The following BST1 variants were observed in gnomAD, a reference collection of about 807,000 sequenced individuals.
The protein encoded by BST1 is ADP-ribosyl cyclase/cyclic ADP-ribose hydrolase 2.
A neutral mutation model predicts 40.6 loss-of-function variants in BST1; 49 were observed. The observed-to-expected ratio is 1.21, with a 90% CI of 0.96 to 1.53. BST1 has a LOEUF of 1.53. Ranked by LOEUF, BST1 falls within the 40% of genes most tolerant of loss-of-function variation. The pLI, the probability that BST1 is intolerant of heterozygous loss-of-function variation, is 0.00. For missense variants in BST1, 423 were observed against 395.9 expected (o/e 1.07, Z -0.58); for synonymous variants, 157 against 159.3 (o/e 0.99, Z 0.11).
At chr4:15,735,574 G>A (rs533145301), downstream of BST1, among the ~76,000 whole-genome samples, 4 of 152,320 alleles carry the variant, frequency 2.6e-5, no homozygotes, top group Admixed American at 1.3e-4. Flanking sequence ...GAGGGGAGCC[G>A]TGAGGGAAGA....
chr4:15,710,261 C>T (rs973152277), intron 3 of BST1, among the ~76,000 whole-genome samples: 13 of 151,986 alleles, frequency 8.6e-5, no homozygotes, highest in Non-Finnish European at 2.9e-5. Context: ...GGCCACAGTA[C>T]CTGGCCTTGG....
chr4:15,726,970 A>G (rs1467911375), intron 8 of BST1, among the ~76,000 whole-genome samples: 1 of 149,880 alleles, frequency 6.7e-6, no homozygotes, highest in African/African-American at 2.5e-5. Flanking sequence ...TCCCGGGTTC[A>G]AGCAATTCCC....
In BST1 at chr4:15,722,896, C is replaced by T. The variant is rs373809408; in HGVS notation, c.813C>T (p.Cys271=). 2.4e-5 allele frequency: 38 copies of T among 1,613,620 alleles called. No homozygotes were observed. The African/African-American group carries it at 2.5e-4, about 11-fold the overall frequency. The change falls in exon 8 of 9, where the codon TGC becomes TGT. Residue 271 remains cysteine (C), a synonymous_variant. Transcript: ENST00000265016. ...GTAGACCAGTGAAGCTCTTACAGTG[C>T]GTGGACCACAGCACCCATCCTGACT... ...NDYRPVKLLQ[C]VDHSTHPDCA...
chr4:15,771,206 T>A, the BST1 span, among the ~76,000 whole-genome samples: 1 of 148,880 alleles, frequency 6.7e-6, no homozygotes, highest in Non-Finnish European at 1.5e-5. Context: ...TCTAGGTGTG[T>A]ACATTACCAA....
At chr4:15,733,623 T>C (rs1368313479), downstream of BST1, among the ~76,000 whole-genome samples, 1 of 152,112 alleles carries the variant, frequency 6.6e-6, no homozygotes, top group Non-Finnish European at 1.5e-5. Flanking sequence ...CTTACGATCA[T>C]CATGGAAGGC....
chr4:15,738,405 T>G (rs1445760613), downstream of BST1: 1 of 152,398 alleles, frequency 6.6e-6, no homozygotes, highest in Non-Finnish European at 1.5e-5. Flanking sequence ...CAGTCTGGTG[T>G]GTCTAGTAAG....
chr4:15,731,785 A>G lies in BST1; in HGVS notation c.897A>G (p.Glu299=), dbSNP rs1180694234. The G allele has an allele frequency of 2.5e-6, 4 of 1,613,704 alleles. No homozygotes were observed. Among genetic ancestry groups the G allele is most frequent in the Non-Finnish European group, 3.4e-6 (4 of 1,179,928 alleles). The change falls in exon 9 of 9, where the codon GAA becomes GAG. Residue 299 remains glutamate (E), a synonymous_variant. Coordinates refer to ENST00000265016, the MANE Select transcript of BST1 (RefSeq NM_004334.3). ...TQRKAPSLYT[E]QRAGLIIPLF... ...GAAAAGCCCCAAGTCTTTATACAGA[A>G]CAAAGGGCGGGTCTTATCATTCCCC...
chr4:15,747,414 C>G, the BST1 span, among the ~76,000 whole-genome samples: 16 of 152,286 alleles, frequency 1.1e-4, no homozygotes, highest in African/African-American at 3.6e-4. Context: ...CTTCTTGGTA[C>G]TAGGAATCCC....
chr4:15,763,188 T>G, the BST1 span, among the ~76,000 whole-genome samples: 1 of 151,948 alleles, frequency 6.6e-6, no homozygotes, highest in Non-Finnish European at 1.5e-5. Context: ...TTTTAAAGAT[T>G]GTAGCTTTAG....
chr4:15,769,520 G>A, the BST1 span, among the ~76,000 whole-genome samples: 1 of 152,150 alleles, frequency 6.6e-6, no homozygotes, highest in Non-Finnish European at 1.5e-5. Context: ...GAGCCACAGG[G>A]AGTTACATGA....
At position 15,732,215 on chromosome 4, in the gene BST1, C is replaced by T; in HGVS notation, c.*370C>T. 1 of 759,534 alleles carries T rather than the reference C, an allele frequency of 1.3e-6. No homozygotes were observed. The highest frequency in any genetic ancestry group is 1.6e-6 in the Non-Finnish European group (1 of 610,604). 47.0% of individuals were successfully genotyped at this position (759,534 alleles called of 1,614,324 possible). On this transcript the variant is annotated 3_prime_UTR_variant, in exon 9 of 9. Transcript: ENST00000265016. ...TCTCCAGCAGCACGGACACTGCATGCTTGTTGATTGCTTAAGACATATGTA... is the reference window on the plus strand; with the variant it reads ...TCTCCAGCAGCACGGACACTGCATGTTTGTTGATTGCTTAAGACATATGTA...
the BST1 span, among the ~76,000 whole-genome samples, chr4:15,765,275 T>C: frequency 1.3e-5 from 2 of 152,054 alleles, no homozygotes; most frequent in Non-Finnish European, 2.9e-5. Flanking sequence ...TGTCTCTGAC[T>C]ACTCTCATTG....
chr4:15,731,003 AT>A (rs1384371488), intron 8 of BST1: 1 of 593,138 alleles, frequency 1.7e-6, no homozygotes, highest in Non-Finnish European at 2.7e-6. Flanking sequence ...CTCTCGATAT[AT>A]AAGGCCCGGA....
chr4:15,721,152 T>C (rs1203609524), intron 7 of BST1, among the ~76,000 whole-genome samples: 1 of 152,186 alleles, frequency 6.6e-6, no homozygotes, highest in Non-Finnish European at 1.5e-5. Context: ...GAGGATATAA[T>C]GAAAGGTATA....
At position 15,715,757 on chromosome 4, in the gene BST1, G is replaced by A. The variant is rs113632818; in HGVS notation, c.662G>A (p.Arg221Gln). 2.8e-5 allele frequency: 45 copies of A among 1,600,436 alleles called. No homozygotes were observed. The highest frequency in any genetic ancestry group is 2.5e-4 in the East Asian group (11 of 44,576). ...AACCTCCAGAAGGAAAAAATTACACGAATCGAGATCTGGGTTATGCATGAA... is the reference window on the plus strand; with the variant it reads ...AACCTCCAGAAGGAAAAAATTACACAAATCGAGATCTGGGTTATGCATGAA... The part of the protein sequence containing the change: ...IPNLQKEKIT[R>Q]IEIWVMHEIG... Residue 221 changes from arginine to glutamine, a missense_variant, in exon 6 of 9, where the codon CGA becomes CAA. Coordinates refer to ENST00000265016, the MANE Select transcript of BST1 (RefSeq NM_004334.3).
chr4:15,737,080 A>G (rs935162951), downstream of BST1, among the ~76,000 whole-genome samples: 3 of 152,240 alleles, frequency 2.0e-5, no homozygotes, highest in Non-Finnish European at 2.9e-5. Context: ...CCTGAGCTGC[A>G]TCACCGTGTG....
At chr4:15,756,494 A>G in the BST1 span, among the ~76,000 whole-genome samples, 1 of 152,246 alleles carries the variant, frequency 6.6e-6, no homozygotes, top group East Asian at 1.9e-4. Context: ...GTGACACTCA[A>G]CCACATTTTC....
At chr4:15,742,768 T>C (rs1721776116), downstream of BST1, among the ~76,000 whole-genome samples, 1 of 152,238 alleles carries the variant, frequency 6.6e-6, no homozygotes, top group Non-Finnish European at 1.5e-5. Context: ...CTGTTATCAC[T>C]GAAGGAAACT....
chr4:15,752,539 C>T, the BST1 span, among the ~76,000 whole-genome samples: 1 of 151,858 alleles, frequency 6.6e-6, no homozygotes, highest in East Asian at 1.9e-4. Context: ...CAGGTATGTG[C>T]CACCATGCAG....
Sources: allele counts gnomAD v4.1 joint callset (sites outside exome capture counted in the v4.1 genomes callset), GRCh38; gene constraint gnomAD v4.1.1; transcripts MANE v1.5; gene names NCBI Gene and HGNC (gene_info 2026-07-23, HGNC 2026-07-21).